Variants in ZNF724 observed in about 807,000 individuals in gnomAD.
The protein encoded by ZNF724 is zinc finger protein 724.
In ZNF724, 14 loss-of-function variants were observed where a neutral mutation model predicts 29.3. The observed-to-expected ratio is 0.48, with a 90% CI of 0.32 to 0.75. The LOEUF (loss-of-function observed/expected upper bound fraction) is 0.75. Among genes scored for constraint, ZNF724 ranks in the 30% least tolerant of loss-of-function variants. The pLI, the probability that ZNF724 is intolerant of heterozygous loss-of-function variation, is 0.04. For missense variants in ZNF724, 557 were observed against 571.2 expected (o/e 0.98, Z 0.25); for synonymous variants, 180 against 193.6 (o/e 0.93, Z 0.58).
chr19:23,238,407 G>A (rs907322281), intron 1 of ZNF724, among the ~76,000 whole-genome samples: 1 of 152,080 alleles, frequency 6.6e-6, no homozygotes, highest in African/African-American at 2.4e-5. Flanking sequence ...ACACTGCAAT[G>A]GTTCTGAGGT....
intron 1 of ZNF724, among the ~76,000 whole-genome samples, chr19:23,243,484 A>AT (rs1972172693): frequency 6.7e-6 from 1 of 149,408 alleles, no homozygotes; most frequent in African/African-American, 2.5e-5. Flanking sequence ...TCAAAAAAAA[A>AT]AAAAAAAAAA....
chr19:23,232,395 T>C lies in ZNF724; in HGVS notation c.4-102A>G, dbSNP rs539071953. 180 of 670,580 alleles carry C rather than the reference T, an allele frequency of 2.7e-4. No homozygotes were observed. In the African/African-American group the frequency reaches 3.1e-3, roughly 11 times the overall value. 41.5% of individuals were successfully genotyped at this position (670,580 alleles called of 1,614,324 possible). ...ACTAAGGAGTACTCATTCTGACTTA[T>C]AAAAGTGAATGAAATTATCCAAATG... On this transcript the variant is annotated intron_variant, in intron 1 of 3. Transcript: ENST00000418100.
In ZNF724 at chr19:23,222,361, G is replaced by T; in HGVS notation, c.*24C>A. The T allele has an allele frequency of 1.1e-6, 1 of 917,408 alleles. No homozygotes were observed. The highest frequency in any genetic ancestry group is 1.7e-6 in the Non-Finnish European group (1 of 588,938). The allele number at this position is 917,408 out of a possible 1,614,324, so 56.8% of individuals were successfully genotyped here. ...CAAAGTGCTGGGATTACAGGTGTGA[G>T]CCACCACGCCTGGTCCATTTTTCTT... On this transcript the variant is annotated 3_prime_UTR_variant, in exon 4 of 4. Transcript: ENST00000418100.
chr19:23,240,717 T>TAA (rs34692737), intron 1 of ZNF724, among the ~76,000 whole-genome samples: 2,978 of 108,636 alleles, frequency 0.027, 84 homozygotes, highest in Middle Eastern at 0.079. Context: ...GGATTCCACC[T>TAA]AAAAAAAAAA....
chr19:23,243,651 G>A (rs10411876), intron 1 of ZNF724, among the ~76,000 whole-genome samples: 129,215 of 151,770 alleles, frequency 0.85, 55,053 homozygotes, highest in South Asian at 0.93. Flanking sequence ...GGCCGGGCGC[G>A]GTGGCTCATT....
chr19:23,226,152 C>T (rs113860292), intron 3 of ZNF724, among the ~76,000 whole-genome samples: 2,038 of 150,882 alleles, frequency 0.014, 56 homozygotes, highest in African/African-American at 0.046. Flanking sequence ...CCTGGGTTCA[C>T]GCCATTCTCC....
chr19:23,232,037 C>T (rs1971943075), intron 2 of ZNF724, 130 bp downstream of exon 2: 2 of 877,870 alleles, frequency 2.3e-6, no homozygotes, highest in Non-Finnish European at 3.6e-6. Context: ...ACGCTTGGCC[C>T]CCAAGATTTT....
At position 23,222,512 on chromosome 19, in the gene ZNF724, G is replaced by C; in HGVS notation, c.1733C>G (p.Thr578Ser). The C allele has an allele frequency of 7.5e-7, 1 of 1,325,188 alleles. No homozygotes were observed. The highest frequency in any genetic ancestry group is 1.1e-6 in the Non-Finnish European group (1 of 918,614). The allele number at this position is 1,325,188 out of a possible 1,614,324, so 82.1% of individuals were successfully genotyped here. Residue 578 changes from threonine (T) to serine (S), a missense_variant, in exon 4 of 4, where the codon ACT (threonine) becomes AGT (serine). By Grantham distance (58) the Thr-to-Ser change is moderately conservative (BLOSUM62 1). Transcript: ENST00000418100. ...TCCAGTATGAATTACCTTATGTTTA[G>C]TCAGAGTTGAGGACCAATTAAAGGC... ...GKAFNWSSTL[T>S]KHKVIHTGEK...
At chr19:23,233,026 G>C (rs1184170219) in intron 1 of ZNF724, among the ~76,000 whole-genome samples, 1 of 152,134 alleles carries the variant, frequency 6.6e-6, no homozygotes, top group Admixed American at 6.6e-5. Context: ...CTTTAACCAA[G>C]TGAATCATTA....
chr19:23,222,445 G>A lies in ZNF724; in HGVS notation c.1800C>T (p.Asn600=). 2 of 1,279,060 alleles carry A rather than the reference G, an allele frequency of 1.6e-6. No homozygotes were observed. Among genetic ancestry groups the A allele is most frequent in the Non-Finnish European group, 2.3e-6 (2 of 876,640 alleles). The allele number at this position is 1,279,060 out of a possible 1,614,324, so 79.2% of individuals were successfully genotyped here. Residue 600 remains asparagine, a synonymous_variant, in exon 4 of 4, where the codon AAC becomes AAT. Coordinates refer to ENST00000418100, the MANE Select transcript of ZNF724 (RefSeq NM_001355404.2). Reference sequence around the variant, plus strand: ...TGTGTGTAGTAAGGTTTGAGCATTGGTTAAAAGCTTTGCCACATTCTTTAC... The same window carrying A: ...TGTGTGTAGTAAGGTTTGAGCATTGATTAAAAGCTTTGCCACATTCTTTAC... The part of the protein sequence containing the change: ...YKCKECGKAF[N]QCSNLTTHKK...
chr19:23,224,113 A>G (rs776223314), intron 3 of ZNF724, 95 bp from the exon 4 acceptor site: 81 of 551,510 alleles, frequency 1.5e-4, no homozygotes, highest in Non-Finnish European at 2.3e-4. Context: ...AACTACATAA[A>G]CAAGATTGCA....
At chr19:23,225,907 A>G (rs576762708) in intron 3 of ZNF724, among the ~76,000 whole-genome samples, 1 of 152,204 alleles carries the variant, frequency 6.6e-6, no homozygotes, top group South Asian at 2.1e-4. Flanking sequence ...GCTGAAATAC[A>G]GTGGCAAGAT....
intron 1 of ZNF724, chr19:23,236,843 A>C (rs1446207147): frequency 6.6e-6 from 1 of 151,830 alleles, no homozygotes; most frequent in African/African-American, 2.4e-5. Flanking sequence ...AATTTCCAAC[A>C]GCTCCTTTTT....
At chr19:23,226,535 T>C (rs1489133393) in intron 3 of ZNF724, among the ~76,000 whole-genome samples, 2 of 152,172 alleles carry the variant, frequency 1.3e-5, no homozygotes, top group African/African-American at 2.4e-5. Context: ...TACAACAATT[T>C]TGTAGAAGAA....
At chr19:23,237,717 T>TAAAAAAAAAAAAA (rs56110527) in intron 1 of ZNF724, among the ~76,000 whole-genome samples, 1 of 132,590 alleles carries the variant, frequency 7.5e-6, no homozygotes, top group Non-Finnish European at 1.6e-5. Flanking sequence ...GAACCCGTCT[T>TAAAAAAAAAAAAA]AAAAAAAAAA....
At chr19:23,243,665 G>A (rs1025417848) in intron 1 of ZNF724, among the ~76,000 whole-genome samples, 2 of 151,546 alleles carry the variant, frequency 1.3e-5, no homozygotes, top group African/African-American at 2.4e-5. Flanking sequence ...GCTCATTCCT[G>A]TAATACCAGC....
chr19:23,232,319 AC>A, intron 1 of ZNF724, 26 bp from the exon 2 acceptor site: 1 of 1,157,312 alleles, frequency 8.6e-7, no homozygotes. Flanking sequence ...ACACATATTT[AC>A]GAAGTGGCCA....
chr19:23,250,156 AG>A lies in ZNF724; in HGVS notation c.3+83del, dbSNP rs1304984286. 4 of 557,438 alleles carry A rather than the reference AG, an allele frequency of 7.2e-6. No homozygotes were observed. In the African/African-American group the frequency reaches 7.6e-5, roughly 11 times the overall value. 34.5% of individuals were successfully genotyped at this position (557,438 alleles called of 1,614,324 possible). ...GCAGTTTGTGGAGATGACTGCGGGG[AG>A]GCCCGAGTCCGCCACAGCCACTTCC... On this transcript the variant is annotated intron_variant, in intron 1 of 3. Transcript: ENST00000418100.
intron 1 of ZNF724, among the ~76,000 whole-genome samples, chr19:23,243,162 T>C (rs1351572376): frequency 3.3e-5 from 5 of 151,626 alleles, no homozygotes; most frequent in African/African-American, 1.2e-4. Flanking sequence ...TGGATGAAAT[T>C]GAAGCCCATT....
Sources: allele counts gnomAD v4.1 joint callset (sites outside exome capture counted in the v4.1 genomes callset), GRCh38; gene constraint gnomAD v4.1.1; transcripts MANE v1.5; gene names NCBI Gene and HGNC (gene_info 2026-07-23, HGNC 2026-07-21).